The following CDC42BPA variants were observed in gnomAD, a reference collection of about 807,000 sequenced individuals.
CDC42BPA encodes CDC42 binding protein kinase alpha, also known as serine/threonine-protein kinase MRCK alpha.
Under a neutral mutation model 223.5 loss-of-function variants are expected in CDC42BPA, and 80 were observed. The ratio of observed to expected loss-of-function variants is 0.36; its 90% CI spans 0.30 to 0.43. The LOEUF is 0.43. Among genes scored for constraint, CDC42BPA ranks in the 20% least tolerant of loss-of-function variants. CDC42BPA has a pLI of 1.00. For missense variants in CDC42BPA, 1,743 were observed against 2,099.9 expected (o/e 0.83, Z 3.32); for synonymous variants, 694 against 718.6 (o/e 0.97, Z 0.55).
intron 11 of CDC42BPA, among the ~76,000 whole-genome samples, chr1:227,122,140 T>C (rs1688770983): frequency 6.6e-6 from 1 of 152,218 alleles, no homozygotes; most frequent in Non-Finnish European, 1.5e-5. Flanking sequence ...TAATTTACTT[T>C]TGTTATTTCT....
chr1:227,015,404 T>C (rs75915171), intron 34 of CDC42BPA, among the ~76,000 whole-genome samples: 126 of 150,994 alleles, frequency 8.3e-4, no homozygotes, highest in East Asian at 5.6e-3. Flanking sequence ...GCCTGGGTGA[T>C]AGAATGAGAC....
At chr1:227,258,781 T>C (rs1339869384) in intron 1 of CDC42BPA, among the ~76,000 whole-genome samples, 2 of 151,238 alleles carry the variant, frequency 1.3e-5, no homozygotes, top group East Asian at 3.9e-4. Context: ...TATACAAAGA[T>C]ATGTTCTTAA....
intron 3 of CDC42BPA, among the ~76,000 whole-genome samples, chr1:227,208,743 G>T (rs1042023047): frequency 2.0e-5 from 3 of 152,034 alleles, no homozygotes; most frequent in Non-Finnish European, 2.9e-5. Context: ...GTACCATGCT[G>T]TTTTGGTTAC....
intron 3 of CDC42BPA, among the ~76,000 whole-genome samples, chr1:227,202,323 T>C (rs1389735410): frequency 1.3e-5 from 2 of 151,976 alleles, no homozygotes; most frequent in Non-Finnish European, 2.9e-5. Context: ...GCACTTTACA[T>C]ACTTACTACC....
intron 1 of CDC42BPA, among the ~76,000 whole-genome samples, chr1:227,271,858 T>A (rs1437159779): frequency 6.6e-6 from 1 of 152,178 alleles, no homozygotes; most frequent in African/African-American, 2.4e-5. Flanking sequence ...CTTTCGAGCA[T>A]CCTCAGTTAT....
chr1:227,111,439 C>T (rs1408441387), intron 14 of CDC42BPA, among the ~76,000 whole-genome samples: 1 of 152,114 alleles, frequency 6.6e-6, no homozygotes, highest in Non-Finnish European at 1.5e-5. Context: ...GTACTCGTGA[C>T]ATGAAATAGT....
At chr1:227,092,485 G>A (rs1334355911) in intron 15 of CDC42BPA, among the ~76,000 whole-genome samples, 1 of 152,134 alleles carries the variant, frequency 6.6e-6, no homozygotes, top group African/African-American at 2.4e-5. Context: ...TGCTTCACAT[G>A]CATTACGTTC....
rs1024326414 is a variant in CDC42BPA, at chr1:227,146,047, T to G, written c.895-310A>C. Among the ~76,000 whole-genome samples, 2 of 152,258 alleles carry G rather than the reference T, an allele frequency of 1.3e-5. 1 individual carries two copies. Among genetic ancestry groups the G allele is most frequent in the South Asian group, 4.1e-4 (2 of 4,826 alleles). ...TCAAAGTAGTGGAATTTGACTCTAT[T>G]TAAATCAAGATAGATGATTGATAAT... On this transcript the variant is annotated intron_variant, in intron 7 of 36. Coordinates refer to ENST00000366766, the MANE Select transcript of CDC42BPA (RefSeq NM_001394014.1).
rs1692215970 is a variant in CDC42BPA, at chr1:227,304,448, A to T, written c.178+12557T>A. On this transcript the variant is annotated intron_variant, in intron 1 of 36. Transcript: ENST00000366766. ...AGAAAAACACAAAAACCACTTTTGA[A>T]TTTTTATTATCACTATTTCTAATTA... Among the ~76,000 whole-genome samples the T allele has an allele frequency of 1.3e-5, 2 of 152,042 alleles. 1 individual carries two copies.
intron 33 of CDC42BPA, 108 bp downstream of exon 33, chr1:227,016,819 G>A: frequency 9.1e-7 from 1 of 1,097,022 alleles, no homozygotes; most frequent in Non-Finnish European, 1.3e-6. Context: ...ACAGATCAAT[G>A]AGATTTTCAG....
intron 14 of CDC42BPA, among the ~76,000 whole-genome samples, chr1:227,102,308 A>T (rs1179856243): frequency 6.6e-6 from 1 of 152,154 alleles, no homozygotes; most frequent in Non-Finnish European, 1.5e-5. Flanking sequence ...TTATCGAAAA[A>T]ATACTTTTCA....
intron 10 of CDC42BPA, among the ~76,000 whole-genome samples, chr1:227,139,295 T>C (rs1445003290): frequency 4.6e-5 from 7 of 152,150 alleles, no homozygotes; most frequent in Non-Finnish European, 8.8e-5. Context: ...TATAACGAAG[T>C]GAGGAGGGTC....
chr1:227,212,610 T>A (rs1438578413), intron 3 of CDC42BPA, among the ~76,000 whole-genome samples: 2 of 152,050 alleles, frequency 1.3e-5, no homozygotes, highest in Non-Finnish European at 2.9e-5. Context: ...TTAACATCAC[T>A]CCAGTCAATC....
chr1:227,171,900 C>T (rs1455958865), intron 5 of CDC42BPA, among the ~76,000 whole-genome samples: 1 of 152,144 alleles, frequency 6.6e-6, no homozygotes. Flanking sequence ...CTGACAACCA[C>T]TAATTTAAGA....
chr1:227,236,141 A>T (rs1181980917), intron 2 of CDC42BPA, among the ~76,000 whole-genome samples: 6 of 152,080 alleles, frequency 3.9e-5, no homozygotes, highest in Non-Finnish European at 1.5e-5. Context: ...TAGAGCTGCA[A>T]CTCTGCTAGT....
intron 5 of CDC42BPA, chr1:227,180,671 A>C (rs1558691414): frequency 2.6e-5 from 4 of 152,234 alleles, no homozygotes; most frequent in Admixed American, 2.0e-4. Context: ...CTATCTATGT[A>C]AATTATCTAC....
At chr1:227,255,514 G>A (rs998557653) in intron 1 of CDC42BPA, among the ~76,000 whole-genome samples, 11 of 152,140 alleles carry the variant, frequency 7.2e-5, no homozygotes, top group African/African-American at 2.4e-4. Flanking sequence ...TTAGCTGAAC[G>A]TGGTGGCATA....
chr1:226,999,455 C>T (rs1219897494), intron 35 of CDC42BPA, among the ~76,000 whole-genome samples: 1 of 152,138 alleles, frequency 6.6e-6, no homozygotes, highest in Admixed American at 6.5e-5. Flanking sequence ...GGATTATAGG[C>T]CTGAGCCACC....
intron 2 of CDC42BPA, among the ~76,000 whole-genome samples, chr1:227,230,443 T>C (rs988293144): frequency 3.3e-5 from 5 of 152,216 alleles, no homozygotes; most frequent in African/African-American, 4.8e-5. Flanking sequence ...GTTACAAATA[T>C]GTTGTACTAT....
Sources: allele counts gnomAD v4.1 joint callset (sites outside exome capture counted in the v4.1 genomes callset), GRCh38; gene constraint gnomAD v4.1.1; transcripts MANE v1.5; gene names NCBI Gene and HGNC (gene_info 2026-07-23, HGNC 2026-07-21).